The following MROH2A variants were observed in gnomAD, a reference collection of about 807,000 sequenced individuals.
The protein encoded by MROH2A is maestro heat like repeat family member 2A.
MROH2A carries 174 observed loss-of-function variants against 200.4 expected under a neutral mutation model. That is an observed-to-expected ratio of 0.87 (90% CI 0.77 to 0.98). MROH2A has a LOEUF of 0.98. MROH2A is among the 50% of genes least tolerant of loss of function. The pLI is 0.00. For missense variants in MROH2A, 2,045 were observed against 2,139.6 expected (o/e 0.96, Z 0.87); for synonymous variants, 829 against 840.4 (o/e 0.99, Z 0.23).
At chr2:233,802,035 G>C (rs1404032998) in intron 14 of MROH2A, 133 bp from the exon 15 acceptor site, 1 of 1,033,530 alleles carries the variant, frequency 9.7e-7, no homozygotes, top group Non-Finnish European at 1.4e-6. Flanking sequence ...AGCCAGTTCA[G>C]GGCTGAGACT....
chr2:233,789,601 C>T lies in MROH2A; in HGVS notation c.381C>T (p.Ala127=). The T allele has an allele frequency of 1.4e-6, 2 of 1,480,626 alleles. No individual in the cohort carries two copies. Among genetic ancestry groups the T allele is most frequent in the Non-Finnish European group, 1.8e-6 (2 of 1,113,854 alleles). 91.7% of individuals were successfully genotyped at this position (1,480,626 alleles called of 1,614,324 possible). A position where few individuals can be genotyped will look rare whatever the true frequency, so the allele number is the denominator to read the frequency against. ...GCGTGCAGAGGCTGGTGGCCATTGC[C>T]TCCAAGGAGATGAGGGAGATCCCAG... The part of the protein sequence containing the change: ...EQCVQRLVAI[A]SKEMREIPEM... The change falls in exon 4 of 42, where the codon GCC becomes GCT. Residue 127 remains alanine, a synonymous_variant. Coordinates refer to ENST00000389758, the MANE Select transcript of MROH2A (RefSeq NM_001394639.1).
rs897409680 is a variant in MROH2A, at chr2:233,804,131, C to T, written c.1830C>T (p.Ile610=). The T allele has an allele frequency of 2.3e-5, 35 of 1,550,412 alleles. No homozygotes were observed. The highest frequency in any genetic ancestry group is 8.3e-5 in the South Asian group (7 of 84,068). Residue 610 remains isoleucine (I), a synonymous_variant, in exon 17 of 42, where the codon ATC becomes ATT. Coordinates refer to ENST00000389758, the MANE Select transcript of MROH2A (RefSeq NM_001394639.1). The part of the protein sequence containing the change: ...LNLLRTLSQS[I]APSMADMWEL... ...TCTTGAGGACCCTGAGCCAGAGCAT[C>T]GCACCCTCCATGGCCGACATGTGGG...
chr2:233,799,941 G>C, intron 13 of MROH2A, 42 bp downstream of exon 13: 1 of 1,549,884 alleles, frequency 6.5e-7, no homozygotes, highest in South Asian at 1.2e-5. Context: ...AGCTGGACTT[G>C]GAAATGGTTT....
chr2:233,815,970 ATT>A (rs1277768863), intron 26 of MROH2A, among the ~76,000 whole-genome samples: 2 of 150,862 alleles, frequency 1.3e-5, no homozygotes, highest in Non-Finnish European at 2.9e-5. Flanking sequence ...TTATTTAGAG[ATT>A]TTCAAATATT....
At chr2:233,826,001 T>G (rs1704281564) in intron 35 of MROH2A, among the ~76,000 whole-genome samples, 1 of 141,084 alleles carries the variant, frequency 7.1e-6, no homozygotes, top group African/African-American at 2.7e-5. Context: ...CTCAGCTCAC[T>G]GCAACCTCCA....
intron 22 of MROH2A, 85 bp from the exon 23 acceptor site, chr2:233,810,709 G>A: frequency 3.3e-6 from 5 of 1,494,056 alleles, no homozygotes; most frequent in Non-Finnish European, 4.5e-6. Context: ...AGAGCAGAGG[G>A]AGTCCAGGAG....
intron 34 of MROH2A, 43 bp downstream of exon 34, chr2:233,823,061 G>T: frequency 3.2e-6 from 5 of 1,544,722 alleles, no homozygotes; most frequent in South Asian, 1.2e-5. Flanking sequence ...ACCTGCAGAG[G>T]CACCTCCTTG....
chr2:233,796,016 T>A lies in MROH2A; in HGVS notation c.1109T>A (p.Met370Lys). The change falls in exon 10 of 42, where the codon ATG becomes AAG. Residue 370 changes from methionine to lysine, a missense_variant. By Grantham distance (95) the Met-to-Lys change is moderately conservative. Transcript: ENST00000389758. Reference protein sequence around the residue: ...AQHQYSSQNLMEMVHCFVALA... With the variant: ...AQHQYSSQNLKEMVHCFVALA... ...CATCAGTACAGCAGCCAGAATCTGA[T>A]GGAGATGGTGCACTGCTTCGTAGCC... 1 of 1,550,206 alleles carries A rather than the reference T, an allele frequency of 6.5e-7. No individual in the cohort carries two copies. The highest frequency in any genetic ancestry group is 8.7e-7 in the Non-Finnish European group (1 of 1,146,674).
Position 233,787,596 on chromosome 2 carries a change from T to TACA in MROH2A, c.277-1901_277-1900insACA, listed in dbSNP as rs1286025940. 5.6e-3 allele frequency among the ~76,000 whole-genome samples: 184 copies of TACA among 32,854 alleles called. 46 individuals are homozygous for TACA. The Admixed American group carries it at 0.061, about 11-fold the overall frequency. 21.6% of individuals were successfully genotyped at this position (32,854 alleles called of 152,430 possible). On this transcript the variant is annotated intron_variant, in intron 3 of 41. Transcript: ENST00000389758. ...TATATATCATATATACATATATATA[T>TACA]TATATATTATATATATCATATATAC... is the stretch of plus-strand genomic sequence containing the variant.
rs956889760 is a variant in MROH2A, at chr2:233,793,717, C to G, written c.715C>G (p.Leu239Val). Reference sequence around the variant, plus strand: ...GACGGTGCAGTTTTATCTGAAGCACCTGGAGGAGAGCGTGTACCCCGTGAT... The same window carrying G: ...GACGGTGCAGTTTTATCTGAAGCACGTGGAGGAGAGCGTGTACCCCGTGAT... Reference protein sequence around the residue: ...CETVQFYLKHLEESVYPVMTE... With the variant: ...CETVQFYLKHVEESVYPVMTE... The change falls in exon 7 of 42, where the codon CTG becomes GTG. Residue 239 changes from leucine (L) to valine (V), a missense_variant. Leu to Val is a conservative substitution (Grantham distance 32). Coordinates refer to ENST00000389758, the MANE Select transcript of MROH2A (RefSeq NM_001394639.1). 6.1e-6 allele frequency: 9 copies of G among 1,481,580 alleles called. No homozygotes were observed. The African/African-American group carries it at 1.0e-4, about 17-fold the overall frequency. 91.8% of individuals were successfully genotyped at this position (1,481,580 alleles called of 1,614,324 possible).
Position 233,828,779 on chromosome 2 carries a change from G to A in MROH2A, c.4263G>A (p.Lys1421=). 2 of 1,550,234 alleles carry A rather than the reference G, an allele frequency of 1.3e-6. No homozygotes were observed. Among genetic ancestry groups the A allele is most frequent in the Non-Finnish European group, 1.7e-6 (2 of 1,146,804 alleles). The change falls in exon 36 of 42, where the codon AAG becomes AAA. Residue 1421 remains lysine (K), a splice_region_variant and synonymous_variant. Transcript: ENST00000389758. This position sits in a 1 kb window ranked among gnomAD's most constrained non-coding sequence, Gnocchi z 4.6. ...LGNMALGAPK[K]VKQYRKVLLE... is the part of the protein sequence containing the mutation. ...ACATGGCCCTGGGCGCCCCCAAGAA[G>A]GTACTGTGCCTGGCCCTGGGCCCAG...
rs1702048214 is a variant in MROH2A at position 233,795,523 on chromosome 2, C to A, written c.967-130C>A. 31 of 1,399,620 alleles carry A rather than the reference C, an allele frequency of 2.2e-5. 1 individual carries two copies. The South Asian group carries it at 4.2e-4, about 19-fold the overall frequency. 86.7% of individuals were successfully genotyped at this position (1,399,620 alleles called of 1,614,324 possible). ...CAGGACTGGGGTAGGGCCTGAGAGT[C>A]TGCATTTCTAATCAGCTCCCAGGGA... On this transcript the variant is annotated intron_variant, in intron 8 of 41. Coordinates refer to ENST00000389758, the MANE Select transcript of MROH2A (RefSeq NM_001394639.1).
At chr2:233,799,727 G>T (rs770279061) in intron 12 of MROH2A, 53 bp from the exon 13 acceptor site, 66 of 1,546,778 alleles carry the variant, frequency 4.3e-5, no homozygotes, top group Non-Finnish European at 4.5e-5. Flanking sequence ...ACAGGATTGG[G>T]TGCCTTGGAG....
In MROH2A at chr2:233,794,380, C is replaced by T. The variant is rs1439068456; in HGVS notation, c.840C>T (p.Ile280=). 2.3e-5 allele frequency: 36 copies of T among 1,550,142 alleles called. No individual in the cohort carries two copies. The highest frequency in any genetic ancestry group is 3.0e-5 in the Non-Finnish European group (34 of 1,146,828). The change falls in exon 8 of 42, where the codon ATC becomes ATT. Residue 280 remains isoleucine, a synonymous_variant. Coordinates refer to ENST00000389758, the MANE Select transcript of MROH2A (RefSeq NM_001394639.1). The part of the protein sequence containing the change: ...HYNPEVKLGV[I]KSLKPMLGLL... ...GGTGGCAGGTGAAGCTGGGGGTGAT[C>T]AAGTCCCTGAAGCCCATGCTCGGCC...
chr2:233,790,901 G>A (rs146023946), intron 5 of MROH2A, among the ~76,000 whole-genome samples: 53 of 152,292 alleles, frequency 3.5e-4, no homozygotes, highest in Middle Eastern at 3.4e-3. Context: ...CCAAATGGGC[G>A]TTTGAGATCT....
At chr2:233,795,181 G>T (rs1010766548) in intron 8 of MROH2A, among the ~76,000 whole-genome samples, 1 of 152,358 alleles carries the variant, frequency 6.6e-6, no homozygotes, top group Admixed American at 6.5e-5. Flanking sequence ...ACTCAAGGCA[G>T]CCTTGGTAGA....
At chr2:233,792,746 T>C (rs1314474374) in intron 5 of MROH2A, 50 bp from the exon 6 acceptor site, 1 of 1,214,902 alleles carries the variant, frequency 8.2e-7, no homozygotes, top group Non-Finnish European at 1.2e-6. Flanking sequence ...GCCTTCTCTC[T>C]GCTCACCCCC....
In MROH2A at chr2:233,800,959, A is replaced by C. The variant is rs189654176; in HGVS notation, c.1560+644A>C. 4.1e-3 allele frequency among the ~76,000 whole-genome samples: 623 copies of C among 152,320 alleles called. 3 individuals are homozygous for C. The highest frequency in any genetic ancestry group is 0.015 in the African/African-American group (605 of 41,552). ...AGCTTTTTTTAATTGCAGAAATAAT[A>C]ATAATCATCATCATCATCATAGCTA... On this transcript the variant is annotated intron_variant, in intron 14 of 41. Coordinates refer to ENST00000389758, the MANE Select transcript of MROH2A (RefSeq NM_001394639.1).
At chr2:233,817,333 C>A (rs1703605302) in intron 27 of MROH2A, among the ~76,000 whole-genome samples, 2 of 152,138 alleles carry the variant, frequency 1.3e-5, no homozygotes, top group South Asian at 4.1e-4. Context: ...CTTTTTGGCT[C>A]CATGCTGTTT....
Sources: allele counts gnomAD v4.1 joint callset (sites outside exome capture counted in the v4.1 genomes callset), GRCh38; gene constraint gnomAD v4.1.1; non-coding constraint Gnocchi (gnomAD v3.1); transcripts MANE v1.5; gene names NCBI Gene and HGNC (gene_info 2026-07-23, HGNC 2026-07-21).